The following ETAA1 variants were observed in gnomAD, a reference collection of about 807,000 sequenced individuals.
ETAA1 encodes ewing's tumor-associated antigen 1.
In ETAA1, 49 loss-of-function variants were observed where a neutral mutation model predicts 76.8. The observed-to-expected ratio is 0.64, with a 90% CI of 0.51 to 0.81. ETAA1 has a LOEUF of 0.81. Ranked by LOEUF, ETAA1 falls within the 30% of genes least tolerant of loss-of-function variation. The pLI is 0.00. For synonymous variants in ETAA1, 373 were observed against 372.2 expected (o/e 1.00, Z -0.03); for missense variants, 1,099 against 1,074.0 (o/e 1.02, Z -0.32).
Position 67,397,459 on chromosome 2 carries a change from G to T in ETAA1, c.11G>T (p.Arg4Leu), listed in dbSNP as rs1474520984. The change falls in exon 1 of 6, where the codon CGA becomes CTA. Residue 4 changes from arginine (R) to leucine (L), a missense_variant. Arg to Leu is a moderately radical substitution (Grantham distance 102). Transcript: ENST00000272342. Reference protein sequence around the residue: MSRRRKHDDSPSPK... With the variant: MSRLRKHDDSPSPK... ...GGCGGGCCATAGGCAATGAGTCGGC[G>T]AAGGAAACATGATGACAGCCCTAGC... 1.9e-6 allele frequency: 3 copies of T among 1,596,642 alleles called. No individual in the cohort carries two copies. Among genetic ancestry groups the T allele is most frequent in the Non-Finnish European group, 2.6e-6 (3 of 1,171,548 alleles).
In ETAA1 at chr2:67,404,105, A is replaced by G; in HGVS notation, c.1423A>G (p.Thr475Ala). The G allele has an allele frequency of 1.3e-6, 2 of 1,591,070 alleles. No individual in the cohort carries two copies. Among genetic ancestry groups the G allele is most frequent in the Non-Finnish European group, 1.7e-6 (2 of 1,172,076 alleles). Residue 475 changes from threonine (T) to alanine (A), a missense_variant, in exon 5 of 6, where the codon ACT (threonine) becomes GCT (alanine). By Grantham distance (58) the Thr-to-Ala change is moderately conservative. Coordinates refer to ENST00000272342, the MANE Select transcript of ETAA1 (RefSeq NM_019002.4). ...PNSNKSNKLSTGNKMKFENSS... is the reference protein window; with the variant it reads ...PNSNKSNKLSAGNKMKFENSS... ...TTCAAATAAATCAAACAAATTATCC[A>G]CTGGAAATAAAATGAAATTTGAGAA...
rs1241010294 is a variant in ETAA1, at chr2:67,405,419, T to C, written c.2653+84T>C. 5 of 1,083,886 alleles carry C rather than the reference T, an allele frequency of 4.6e-6. No homozygotes were observed. The East Asian group carries it at 7.8e-5, about 17-fold the overall frequency. The allele number at this position is 1,083,886 out of a possible 1,614,324, so 67.1% of individuals were successfully genotyped here. A position where few individuals can be genotyped will look rare whatever the true frequency, so the allele number is the denominator to read the frequency against. ...ATTATTTGTTGTTTTTGAGTGTGAG[T>C]AATGTATAAGGTAAAACTATTCTAT... is the stretch of plus-strand genomic sequence containing the variant. On this transcript the variant is annotated intron_variant, in intron 5 of 5. Coordinates refer to ENST00000272342, the MANE Select transcript of ETAA1 (RefSeq NM_019002.4).
Position 67,404,251 on chromosome 2 carries a change from T to C in ETAA1, c.1569T>C (p.Ala523=). ...CTGAAGCTTCTGAAAGGAAGTCAGC[T>C]TTGAACACAAGGTATTCTAATGAAC... ...NSTEASERKS[A]LNTRYSNEQK... Residue 523 remains alanine, a synonymous_variant, in exon 5 of 6, where the codon GCT becomes GCC. Transcript: ENST00000272342. The C allele has an allele frequency of 6.2e-7, 1 of 1,612,556 alleles. No homozygotes were observed. The highest frequency in any genetic ancestry group is 1.1e-5 in the South Asian group (1 of 91,004).
At position 67,397,601 on chromosome 2, in the gene ETAA1, G is replaced by A. The variant is rs1675911897; in HGVS notation, c.153G>A (p.Gly51=). Residue 51 remains glycine (G), a synonymous_variant, in exon 1 of 6, where the codon GGG becomes GGA. Transcript: ENST00000272342. ...CGTGGCCCTGCGGGGCTAGAGAGGG[G>A]CCTCCCGGGCCAGTGCGGCAGCGAG... ...RGSWPCGARE[G]PPGPVRQREQ... 1 of 1,550,668 alleles carries A rather than the reference G, an allele frequency of 6.4e-7. No individual in the cohort carries two copies.
rs114779868 is a variant in ETAA1, at chr2:67,406,535, T to A, written c.2653+1200T>A. On this transcript the variant is annotated intron_variant, in intron 5 of 5. Coordinates refer to ENST00000272342, the MANE Select transcript of ETAA1 (RefSeq NM_019002.4). ...ACTTTCCTATCTAAGTGACTTTTTTTAAAAATTTACAATAGTAATATGCTA... is the reference window on the plus strand; with the variant it reads ...ACTTTCCTATCTAAGTGACTTTTTTAAAAAATTTACAATAGTAATATGCTA... Among the ~76,000 whole-genome samples, 558 of 152,238 alleles carry A rather than the reference T, an allele frequency of 3.7e-3. 3 individuals carry two copies. The highest frequency in any genetic ancestry group is 0.02 in the Middle Eastern group (6 of 294).
At chr2:67,398,234 T>A (rs1048050808) in intron 1 of ETAA1, among the ~76,000 whole-genome samples, 1 of 151,892 alleles carries the variant, frequency 6.6e-6, no homozygotes, top group African/African-American at 2.4e-5. Flanking sequence ...TTTAAAAGAC[T>A]TCTAGTAAAT....
intron 3 of ETAA1, 49 bp downstream of exon 3, chr2:67,399,675 C>T: frequency 2.4e-6 from 3 of 1,267,744 alleles, no homozygotes; most frequent in Non-Finnish European, 3.4e-6. Context: ...GAAGAATGTG[C>T]CACTAAGTTT....
intron 1 of ETAA1, among the ~76,000 whole-genome samples, chr2:67,398,128 C>A (rs1675938641): frequency 6.6e-6 from 1 of 152,112 alleles, no homozygotes; most frequent in Non-Finnish European, 1.5e-5. Flanking sequence ...AGATGTCTCA[C>A]CTCATTGTGA....
intron 1 of ETAA1, among the ~76,000 whole-genome samples, chr2:67,398,704 G>T (rs1558578752): frequency 6.6e-6 from 1 of 152,122 alleles, no homozygotes; most frequent in East Asian, 1.9e-4. Flanking sequence ...ATTTGAAAGT[G>T]ATTCTAGACA....
At position 67,404,040 on chromosome 2, in the gene ETAA1, A is replaced by G; in HGVS notation, c.1358A>G (p.Asp453Gly). The G allele has an allele frequency of 6.2e-7, 1 of 1,607,200 alleles. No individual in the cohort carries two copies. Among genetic ancestry groups the G allele is most frequent in the Non-Finnish European group, 8.5e-7 (1 of 1,177,024 alleles). The change falls in exon 5 of 6, where the codon GAC (aspartate) becomes GGC (glycine). Residue 453 changes from aspartate to glycine, a missense_variant. By Grantham distance (94) the Asp-to-Gly change is moderately conservative. Transcript: ENST00000272342. ...CAAGATCTTTCTTCAAAGACATATG[A>G]CAGAGAATTAATAGATGCAGAATAT... ...VLQDLSSKTY[D>G]RELIDAEYRF...
Position 67,404,327 on chromosome 2 carries a change from G to T in ETAA1, c.1645G>T (p.Asp549Tyr). ...GTCTATTAAAGCCCCTGTTAATACT[G>T]ATCTTTTTGGCTCTGCAAATCTAGG... ...NQSIKAPVNT[D>Y]LFGSANLGSK... is the part of the protein sequence containing the mutation. Residue 549 changes from aspartate to tyrosine, a missense_variant, in exon 5 of 6, where the codon GAT becomes TAT. By Grantham distance (160) the Asp-to-Tyr change is radical. This residue lies in a region of ETAA1 where 761 missense variants were observed against 731.9 expected (regional missense o/e 1.04). Coordinates refer to ENST00000272342, the MANE Select transcript of ETAA1 (RefSeq NM_019002.4). 6.2e-7 allele frequency: 1 copy of T among 1,613,018 alleles called. No homozygotes were observed. Among genetic ancestry groups the T allele is most frequent in the Non-Finnish European group, 8.5e-7 (1 of 1,179,372 alleles).
At chr2:67,400,075 A>G (rs1304587481) in intron 3 of ETAA1, among the ~76,000 whole-genome samples, 8 of 152,204 alleles carry the variant, frequency 5.3e-5, no homozygotes, top group African/African-American at 1.9e-4. Flanking sequence ...CACTTACAAA[A>G]GTGGAGAGCA....
chr2:67,404,813 CAAAT>C lies in ETAA1; in HGVS notation c.2133_2136del (p.Asp713SerfsTer3), dbSNP rs1676160105. 6.2e-7 allele frequency: 1 copy of C among 1,613,304 alleles called. No individual in the cohort carries two copies. The highest frequency in any genetic ancestry group is 8.5e-7 in the Non-Finnish European group (1 of 1,179,526). On this transcript the variant is annotated frameshift_variant, in exon 5 of 6. Transcript: ENST00000272342. LOFTEE classifies it high-confidence loss of function. ...GCAGACATCTTTGACAAATAGCTCACAAATAGATAAGCCAATGAAGATGGAGAAA... is the reference window on the plus strand; with the variant it reads ...GCAGACATCTTTGACAAATAGCTCACAGATAAGCCAATGAAGATGGAGAAA...
chr2:67,401,383 G>T (rs914120312), intron 3 of ETAA1: 3 of 151,604 alleles, frequency 2.0e-5, no homozygotes, highest in African/African-American at 7.3e-5. Context: ...TTAAATATGC[G>T]CTTTTATTTT....
In ETAA1 at chr2:67,404,172, G is replaced by A. The variant is rs774999779; in HGVS notation, c.1490G>A (p.Cys497Tyr). 3.1e-6 allele frequency: 5 copies of A among 1,601,470 alleles called. No individual in the cohort carries two copies. Among genetic ancestry groups the A allele is most frequent in the African/African-American group, 1.4e-5 (1 of 74,042 alleles). Residue 497 changes from cysteine (C) to tyrosine (Y), a missense_variant, in exon 5 of 6, where the codon TGT becomes TAT. By Grantham distance (194) the Cys-to-Tyr change is radical. This residue lies in a region of ETAA1 where 761 missense variants were observed against 731.9 expected (regional missense o/e 1.04). Transcript: ENST00000272342. ...KIVIQDEIQNCIVTSNLTKIK... is the reference protein window; with the variant it reads ...KIVIQDEIQNYIVTSNLTKIK... ...GTTATTCAAGACGAAATTCAAAATT[G>A]TATAGTTACATCTAATCTGACAAAA...
chr2:67,407,915 C>G (rs1386627103), intron 5 of ETAA1, among the ~76,000 whole-genome samples: 4 of 151,952 alleles, frequency 2.6e-5, no homozygotes, highest in African/African-American at 9.6e-5. Context: ...AGTGGACTTG[C>G]CAGTTCAAGC....
chr2:67,407,198 T>C (rs1351446275), intron 5 of ETAA1, among the ~76,000 whole-genome samples: 1 of 148,738 alleles, frequency 6.7e-6, no homozygotes, highest in Non-Finnish European at 1.5e-5. Flanking sequence ...GGAAGAATTA[T>C]CTTGGATCAC....
At chr2:67,406,786 A>G (rs1289578754) in intron 5 of ETAA1, among the ~76,000 whole-genome samples, 5 of 152,070 alleles carry the variant, frequency 3.3e-5, no homozygotes, top group African/African-American at 4.8e-5. Flanking sequence ...ATAAATCTGT[A>G]TACCCACTAT....
chr2:67,397,392 C>G lies in ETAA1; in HGVS notation c.-57C>G, dbSNP rs1361682072. 28 of 1,523,670 alleles carry G rather than the reference C, an allele frequency of 1.8e-5. No individual in the cohort carries two copies. Among genetic ancestry groups the G allele is most frequent in the Non-Finnish European group, 2.4e-5 (27 of 1,122,356 alleles). 94.4% of individuals were successfully genotyped at this position (1,523,670 alleles called of 1,614,324 possible). A position where few individuals can be genotyped will look rare whatever the true frequency, so the allele number is the denominator to read the frequency against. ...TGCGGTTTGTAGTGCTGTTGCCCTA[C>G]TCATCCCTTTGCAAAATGTGAAAGA... On this transcript the variant is annotated 5_prime_UTR_variant, in exon 1 of 6. Transcript: ENST00000272342.
Sources: allele counts gnomAD v4.1 joint callset (sites outside exome capture counted in the v4.1 genomes callset), GRCh38; gene constraint gnomAD v4.1.1; regional missense constraint gnomAD v4.1.1; transcripts MANE v1.5; gene names NCBI Gene and HGNC (gene_info 2026-07-23, HGNC 2026-07-21).